The following SLC9C2 variants were observed in gnomAD, a reference collection of about 807,000 sequenced individuals.
SLC9C2 encodes the protein sodium/hydrogen exchanger 11.
A neutral mutation model predicts 140.2 loss-of-function variants in SLC9C2; 75 were observed. The observed-to-expected ratio is 0.53, with a 90% CI of 0.44 to 0.65. The LOEUF (loss-of-function observed/expected upper bound fraction) is 0.65, where lower values mean the gene tolerates loss of function less well. SLC9C2 is among the 30% of genes least tolerant of loss of function. The pLI is 0.00. For synonymous variants in SLC9C2, 375 were observed against 420.9 expected (o/e 0.89, Z 1.34); for missense variants, 1,074 against 1,331.8 (o/e 0.81, Z 3.01).
intron 17 of SLC9C2, among the ~76,000 whole-genome samples, chr1:173,533,374 G>A (rs1431452214): frequency 1.3e-5 from 2 of 152,094 alleles, no homozygotes; most frequent in Admixed American, 1.3e-4. Flanking sequence ...CACCTCCTGG[G>A]CTCAAGCGAT....
intron 2 of SLC9C2, among the ~76,000 whole-genome samples, chr1:173,600,561 T>C (rs1384841082): frequency 6.6e-6 from 1 of 152,086 alleles, no homozygotes; most frequent in East Asian, 1.9e-4. Context: ...GGCTCAGTTA[T>C]GATGTTCAGT....
At chr1:173,597,463 C>G (rs890656923) in intron 4 of SLC9C2, among the ~76,000 whole-genome samples, 2 of 151,604 alleles carry the variant, frequency 1.3e-5, no homozygotes, top group Non-Finnish European at 2.9e-5. Context: ...AAAATGTTCT[C>G]TGAAAAAAGA....
At chr1:173,515,122 T>G (rs1288345805) in intron 23 of SLC9C2, among the ~76,000 whole-genome samples, 2 of 152,158 alleles carry the variant, frequency 1.3e-5, no homozygotes, top group Non-Finnish European at 2.9e-5. Context: ...ATCTGATGAT[T>G]ATGTGTCTTG....
chr1:173,524,036 G>A lies in SLC9C2; in HGVS notation c.2573C>T (p.Thr858Ile). 1.9e-6 allele frequency: 3 copies of A among 1,613,716 alleles called. No homozygotes were observed. Among genetic ancestry groups the A allele is most frequent in the East Asian group, 2.2e-5 (1 of 44,854 alleles). ...GATGTTGTGAAGGTATATGTCAGGAGTTGGGGGTGGGATTGCCTTTGGAAA... is the reference window on the plus strand; with the variant it reads ...GATGTTGTGAAGGTATATGTCAGGAATTGGGGGTGGGATTGCCTTTGGAAA... ...NNFPKAIPPPTPDIYLHNIIW... is the reference protein window; with the variant it reads ...NNFPKAIPPPIPDIYLHNIIW... The change falls in exon 21 of 28, where the codon ACT becomes ATT. Residue 858 changes from threonine (T) to isoleucine (I), a missense_variant. By Grantham distance (89) the Thr-to-Ile change is moderately conservative. Transcript: ENST00000367714.
At chr1:173,509,366 A>G (rs2017323) in intron 24 of SLC9C2, among the ~76,000 whole-genome samples, 29,715 of 151,584 alleles carry the variant, frequency 0.2, 4,201 homozygotes, top group East Asian at 0.64. Flanking sequence ...AATTGCTTCA[A>G]CCTGGGAGAC....
chr1:173,587,573 G>T, intron 5 of SLC9C2, 92 bp downstream of exon 5: 1 of 1,188,324 alleles, frequency 8.4e-7, no homozygotes, highest in Non-Finnish European at 1.2e-6. Context: ...TTATTCTTCT[G>T]GGTGCACAAT....
At chr1:173,572,018 C>A (rs1024097370) in intron 9 of SLC9C2, among the ~76,000 whole-genome samples, 1 of 152,138 alleles carries the variant, frequency 6.6e-6, no homozygotes, top group African/African-American at 2.4e-5. Flanking sequence ...CTCATTGAAT[C>A]CTCACAGCAA....
chr1:173,559,243 C>T lies in SLC9C2; in HGVS notation c.1047-1735G>A, dbSNP rs369282549. Reference sequence around the variant, plus strand: ...TATACAGATAGTCAATTCAAAGTTCCCTATAAAGAGCAGTTTCTCCTGTTT... The same window carrying T: ...TATACAGATAGTCAATTCAAAGTTCTCTATAAAGAGCAGTTTCTCCTGTTT... On this transcript the variant is annotated intron_variant, in intron 9 of 27. Transcript: ENST00000367714. Among the ~76,000 whole-genome samples the T allele has an allele frequency of 6.6e-5, 10 of 152,184 alleles. No individual in the cohort carries two copies. The East Asian group carries it at 1.7e-3, about 26-fold the overall frequency.
In SLC9C2 at chr1:173,500,940, TA is replaced by T; in HGVS notation, c.*153del. 1.2e-6 allele frequency: 1 copy of T among 816,480 alleles called. No homozygotes were observed. The highest frequency in any genetic ancestry group is 1.7e-6 in the Non-Finnish European group (1 of 598,428). 50.6% of individuals were successfully genotyped at this position (816,480 alleles called of 1,614,324 possible). On this transcript the variant is annotated 3_prime_UTR_variant, in exon 28 of 28. Transcript: ENST00000367714. ...AGAAGTCCATCCATTGCTTATAAAC[TA>T]AATGCAGCAGTAACCTGTTTCAGTA...
intron 22 of SLC9C2, 33 bp downstream of exon 22, chr1:173,521,268 T>TA (rs5778771): frequency 0.03 from 28,891 of 970,166 alleles, 88 homozygotes; most frequent in Non-Finnish European, 0.035. Context: ...ACATTTTAAG[T>TA]AAAAAAAAAA....
At chr1:173,515,841 T>A (rs1571443388) in intron 23 of SLC9C2, among the ~76,000 whole-genome samples, 1 of 152,030 alleles carries the variant, frequency 6.6e-6, no homozygotes, top group Admixed American at 6.6e-5. Flanking sequence ...TTAGATGGGG[T>A]TTTTGTGGGG....
At chr1:173,588,103 C>T (rs1326430064) in intron 4 of SLC9C2, among the ~76,000 whole-genome samples, 1 of 152,096 alleles carries the variant, frequency 6.6e-6, no homozygotes, top group African/African-American at 2.4e-5. Context: ...GGTTCTTAAA[C>T]AGAATGCAAA....
chr1:173,531,471 G>A (rs561625193), intron 17 of SLC9C2, among the ~76,000 whole-genome samples: 2 of 152,158 alleles, frequency 1.3e-5, no homozygotes, highest in Non-Finnish European at 2.9e-5. Context: ...AAAATCTTGT[G>A]CCCAACTACC....
In SLC9C2 at chr1:173,573,249, G is replaced by A; in HGVS notation, c.979C>T (p.Leu327Phe). The A allele has an allele frequency of 6.3e-7, 1 of 1,585,412 alleles. No individual in the cohort carries two copies. ...ATAGTGTGAAATTCATAGTGGCTGA[G>A]TTCTCCACATCCAATCACAATGCCA... ...FFGIVIGCGELSHYEFHTIPF... is the reference protein window; with the variant it reads ...FFGIVIGCGEFSHYEFHTIPF... The change falls in exon 9 of 28, where the codon CTC becomes TTC. Residue 327 changes from leucine to phenylalanine, a missense_variant. Physicochemically the swap from Leu to Phe is conservative, Grantham distance 22 (BLOSUM62 0). Coordinates refer to ENST00000367714, the MANE Select transcript of SLC9C2 (RefSeq NM_178527.4).
At chr1:173,509,407 T>G (rs1659879319) in intron 24 of SLC9C2, among the ~76,000 whole-genome samples, 161 bp downstream of exon 24, 1 of 151,182 alleles carries the variant, frequency 6.6e-6, no homozygotes. Flanking sequence ...ACTGCACCAT[T>G]GCACTCCAGC....
intron 27 of SLC9C2, among the ~76,000 whole-genome samples, chr1:173,501,650 A>G (rs1032490545): frequency 6.6e-6 from 1 of 151,426 alleles, no homozygotes; most frequent in African/African-American, 2.4e-5. Flanking sequence ...AGCTGGAACT[A>G]CAGGCGCCCA....
chr1:173,563,943 A>T (rs1218707368), intron 9 of SLC9C2, among the ~76,000 whole-genome samples: 1 of 152,206 alleles, frequency 6.6e-6, no homozygotes, highest in Non-Finnish European at 1.5e-5. Flanking sequence ...CAAATAAGTG[A>T]AAACATGTGA....
At chr1:173,540,375 C>G (rs566226500) in intron 13 of SLC9C2, among the ~76,000 whole-genome samples, 26 of 152,318 alleles carry the variant, frequency 1.7e-4, no homozygotes, top group African/African-American at 5.8e-4. Context: ...TTTAAGCCAC[C>G]AAGGTCTGGG....
intron 24 of SLC9C2, among the ~76,000 whole-genome samples, chr1:173,507,653 C>A (rs1659749008): frequency 1.3e-5 from 2 of 152,094 alleles, no homozygotes; most frequent in East Asian, 1.9e-4. Context: ...ATAGGTTGGG[C>A]CTCTAATTTG....
Sources: allele counts gnomAD v4.1 joint callset (sites outside exome capture counted in the v4.1 genomes callset), GRCh38; gene constraint gnomAD v4.1.1; transcripts MANE v1.5; gene names NCBI Gene and HGNC (gene_info 2026-07-23, HGNC 2026-07-21).